The following FILIP1L variants were observed in gnomAD, a reference collection of about 807,000 sequenced individuals.
FILIP1L encodes the protein filamin A interacting protein 1 like, also known as filamin A-interacting protein 1-like.
A neutral mutation model predicts 96.6 loss-of-function variants in FILIP1L; 55 were observed. The observed-to-expected ratio is 0.57, with a 90% CI of 0.46 to 0.71. The LOEUF is 0.71. Ranked by LOEUF, FILIP1L falls within the 30% of genes least tolerant of loss-of-function variation. The pLI is 0.00. For synonymous variants in FILIP1L, 467 were observed against 473.9 expected, an observed-to-expected ratio of 0.99 and a Z score of 0.19; for missense variants, 1,304 against 1,321.2, an observed-to-expected ratio of 0.99 and a Z score of 0.20.
intron 4 of FILIP1L, among the ~76,000 whole-genome samples, chr3:99,858,446 C>T (rs1944082144): frequency 3.3e-5 from 5 of 152,006 alleles, no homozygotes; most frequent in Admixed American, 3.3e-4. Flanking sequence ...GCCTGGGCGA[C>T]ACAGCAAGAC....
intron 1 of FILIP1L, among the ~76,000 whole-genome samples, chr3:100,065,787 G>A (rs1460008190): frequency 4.6e-5 from 7 of 152,160 alleles, no homozygotes; most frequent in South Asian, 2.1e-4. Flanking sequence ...AGAATAAAAC[G>A]TTATATTTCA....
chr3:99,903,651 G>T (rs759868062), intron 4 of FILIP1L, among the ~76,000 whole-genome samples: 1 of 152,068 alleles, frequency 6.6e-6, no homozygotes. Context: ...TCCAAAAATT[G>T]GCTGTTAGGA....
intron 1 of FILIP1L, among the ~76,000 whole-genome samples, chr3:100,077,930 A>G (rs764931309): frequency 1.3e-5 from 2 of 152,146 alleles, no homozygotes; most frequent in Non-Finnish European, 2.9e-5. Flanking sequence ...AATAATAAGG[A>G]ATTATTAAAA....
At chr3:99,983,464 G>GTATGTGTATA (rs1709219766) in intron 1 of FILIP1L, among the ~76,000 whole-genome samples, 7 of 12,686 alleles carry the variant, frequency 5.5e-4, no homozygotes, top group Non-Finnish European at 1.0e-3. Flanking sequence ...ATATATGTGT[G>GTATGTGTATA]TATATATATA....
chr3:99,990,701 G>C (rs1709486004), intron 1 of FILIP1L, among the ~76,000 whole-genome samples: 1 of 151,752 alleles, frequency 6.6e-6, no homozygotes, highest in African/African-American at 2.4e-5. Context: ...TATGCAGCCA[G>C]AGTTGAAAAC....
At chr3:99,896,077 C>T (rs1229767434) in intron 4 of FILIP1L, among the ~76,000 whole-genome samples, 1 of 151,938 alleles carries the variant, frequency 6.6e-6, no homozygotes, top group Non-Finnish European at 1.5e-5. Flanking sequence ...ACACATCCTT[C>T]TTCACATATG....
intron 4 of FILIP1L, among the ~76,000 whole-genome samples, chr3:99,869,844 TGA>T (rs1410597148): frequency 6.6e-6 from 1 of 152,202 alleles, no homozygotes; most frequent in African/African-American, 2.4e-5. Flanking sequence ...TGGTGGGCCA[TGA>T]GACACAATAA....
At chr3:99,953,585 A>G (rs947967707) in intron 1 of FILIP1L, among the ~76,000 whole-genome samples, 11 of 152,198 alleles carry the variant, frequency 7.2e-5, no homozygotes, top group Non-Finnish European at 1.5e-4. Context: ...TAAAGAATTC[A>G]ATAAAATCCA....
chr3:99,929,989 A>G lies in FILIP1L; in HGVS notation c.293T>C (p.Met98Thr). ...EVIGILKAEK[M>T]DLALLEAQYG... ...CTGAGCTTCCAGCAAAGCCAGGTCC[A>G]TTTTTTCAGCCTTTAAAATGCCTAT... Residue 98 changes from methionine to threonine, a missense_variant, in exon 3 of 6, where the codon ATG becomes ACG. Transcript: ENST00000477258. The G allele has an allele frequency of 1.2e-6, 2 of 1,613,660 alleles. No individual in the cohort carries two copies. The highest frequency in any genetic ancestry group is 1.7e-6 in the Non-Finnish European group (2 of 1,179,862).
chr3:100,068,393 A>G (rs2065703510), intron 1 of FILIP1L, among the ~76,000 whole-genome samples: 1 of 151,794 alleles, frequency 6.6e-6, no homozygotes, highest in Admixed American at 6.6e-5. Flanking sequence ...TCAGAGAGAT[A>G]TAGTATCTTT....
intron 1 of FILIP1L, among the ~76,000 whole-genome samples, chr3:99,996,107 C>G (rs1378180060): frequency 6.6e-6 from 1 of 152,164 alleles, no homozygotes; most frequent in Non-Finnish European, 1.5e-5. Context: ...ATTTTATGCT[C>G]TGCTTCCCTT....
At chr3:99,951,820 A>G (rs944803238) in intron 1 of FILIP1L, among the ~76,000 whole-genome samples, 13 of 152,164 alleles carry the variant, frequency 8.5e-5, no homozygotes, top group African/African-American at 2.2e-4. Context: ...CTCAAACTCT[A>G]TCTTTCCAGA....
At chr3:100,025,980 T>A (rs1200333973) in intron 1 of FILIP1L, among the ~76,000 whole-genome samples, 1 of 152,160 alleles carries the variant, frequency 6.6e-6, no homozygotes, top group East Asian at 1.9e-4. Context: ...GCTGGTATGG[T>A]CAAGTACCTT....
chr3:100,012,782 G>A (rs1362534780), intron 1 of FILIP1L, among the ~76,000 whole-genome samples: 1 of 132,108 alleles, frequency 7.6e-6, no homozygotes. Context: ...TTTTTTTTGG[G>A]TTGGGGGAGG....
intron 1 of FILIP1L, among the ~76,000 whole-genome samples, chr3:100,022,668 C>T (rs2064847144): frequency 6.6e-6 from 1 of 152,224 alleles, no homozygotes; most frequent in Admixed American, 6.5e-5. Context: ...AGATTCCATT[C>T]TGCCTGACTC....
intron 4 of FILIP1L, among the ~76,000 whole-genome samples, chr3:99,891,567 T>C (rs547537206): frequency 6.6e-6 from 1 of 152,132 alleles, no homozygotes; most frequent in Non-Finnish European, 1.5e-5. Context: ...TTGGATTTTT[T>C]GGGTTTTTTT....
intron 5 of FILIP1L, among the ~76,000 whole-genome samples, chr3:99,840,889 C>T (rs981380163): frequency 2.6e-5 from 4 of 152,192 alleles, no homozygotes; most frequent in Non-Finnish European, 5.9e-5. Flanking sequence ...TTAACTGAGG[C>T]TTTGTTAATC....
At chr3:100,006,144 C>T (rs1443071207) in intron 1 of FILIP1L, among the ~76,000 whole-genome samples, 1 of 152,108 alleles carries the variant, frequency 6.6e-6, no homozygotes, top group African/African-American at 2.4e-5. Flanking sequence ...CTGTGGGATG[C>T]AGGTAGGTAT....
intron 1 of FILIP1L, among the ~76,000 whole-genome samples, chr3:100,091,081 C>T (rs553374099): frequency 2.0e-5 from 3 of 152,112 alleles, no homozygotes; most frequent in African/African-American, 7.2e-5. Flanking sequence ...ATCAGGAGAT[C>T]GAGACCATCC....
Sources: gnomAD v4.1 joint callset for allele counts (sites outside exome capture counted in the v4.1 genomes callset) on GRCh38, gnomAD v4.1.1 for gene constraint, MANE v1.5 for transcripts, NCBI Gene and HGNC (gene_info 2026-07-23, HGNC 2026-07-21) for gene names.